Variants in AVIL observed in about 807,000 individuals in gnomAD.
The protein encoded by AVIL is advillin.
In AVIL, 78 loss-of-function variants were observed where a neutral mutation model predicts 109.9. That is an observed-to-expected ratio of 0.71 (90% CI 0.59 to 0.86). The LOEUF (loss-of-function observed/expected upper bound fraction) is 0.86, where lower values mean the gene tolerates loss of function less well. AVIL is among the 40% of genes least tolerant of loss of function. The pLI, the probability that AVIL is intolerant of heterozygous loss-of-function variation, is 0.00. For missense variants in AVIL, 892 were observed against 1,016.5 expected, an observed-to-expected ratio of 0.88 and a Z score of 1.67; for synonymous variants, 367 against 379.1, an observed-to-expected ratio of 0.97 and a Z score of 0.37.
In AVIL at chr12:57,797,817, A is replaced by T; in HGVS notation, c.*65T>A. The T allele has an allele frequency of 8.0e-7, 1 of 1,255,184 alleles. No homozygotes were observed. The highest frequency in any genetic ancestry group is 1.7e-5 in the South Asian group (1 of 60,260). The allele number at this position is 1,255,184 out of a possible 1,614,324, so 77.8% of individuals were successfully genotyped here. On this transcript the variant is annotated 3_prime_UTR_variant, in exon 20 of 20. Coordinates refer to ENST00000549994, the MANE Select transcript of AVIL (RefSeq NM_006576.4). ...TCAGGCAGAAATTGGTGGATAAATT[A>T]TTTCCTGATATTGGCACTATCTGCT...
intron 1 of AVIL, among the ~76,000 whole-genome samples, chr12:57,817,434 A>C (rs912745753): frequency 2.6e-5 from 4 of 151,614 alleles, no homozygotes; most frequent in African/African-American, 9.7e-5. Flanking sequence ...CTGTAGCAGG[A>C]CTAAAGCAAG....
At chr12:57,806,035 C>G (rs1955938629) in intron 14 of AVIL, 1 of 251,828 alleles carries the variant, frequency 4.0e-6, no homozygotes, top group African/African-American at 2.3e-5. Flanking sequence ...TGGGGTTTCA[C>G]CATGTTGGCC....
At chr12:57,813,515 T>C in intron 3 of AVIL, 92 bp from the exon 4 acceptor site, 1 of 1,302,104 alleles carries the variant, frequency 7.7e-7, no homozygotes, top group Non-Finnish European at 1.1e-6. Flanking sequence ...CACATGTGCA[T>C]GCCCTTGGCA....
chr12:57,818,499 A>G (rs979775243), intron 1 of AVIL, 130 bp downstream of exon 1: 7 of 152,170 alleles, frequency 4.6e-5, no homozygotes, highest in Admixed American at 3.3e-4. Context: ...CTGGCCAGCC[A>G]GACTCCTGGT....
chr12:57,800,695 C>T (rs1277820562), intron 18 of AVIL: 1 of 154,634 alleles, frequency 6.5e-6, no homozygotes, highest in Non-Finnish European at 1.4e-5. Context: ...GCAACTTCCG[C>T]TTCCTGGGTT....
chr12:57,809,458 TTGTC>T (rs1956004196), intron 9 of AVIL, 135 bp downstream of exon 9: 1 of 955,612 alleles, frequency 1.0e-6, no homozygotes, highest in African/African-American at 1.6e-5. Context: ...GAATCCCAGT[TTGTC>T]TGCCTGACTT....
chr12:57,803,846 T>C (rs1318803577), intron 14 of AVIL, 177 bp from the exon 15 acceptor site: 1 of 851,480 alleles, frequency 1.2e-6, no homozygotes, highest in Admixed American at 3.0e-5. Flanking sequence ...AGGAAAACAG[T>C]GTGGGGCAAA....
chr12:57,799,750 C>T lies in AVIL; in HGVS notation c.2346+45G>A, dbSNP rs143081861. ...TTTGCTGAGCTGAGTTTTTTACTCA[C>T]GGAGAGCTCCACTTCCAACAGACAC... On this transcript the variant is annotated intron_variant, in intron 19 of 19. Transcript: ENST00000549994. 2.2e-5 allele frequency: 36 copies of T among 1,610,434 alleles called. No individual in the cohort carries two copies. In the Middle Eastern group the frequency reaches 6.7e-4, roughly 30 times the overall value.
intron 18 of AVIL, 47 bp from the exon 19 acceptor site, chr12:57,799,967 CTG>C (rs763953228): frequency 1.2e-6 from 2 of 1,608,898 alleles, no homozygotes; most frequent in South Asian, 1.1e-5. Flanking sequence ...TCCTCAGTGT[CTG>C]TGTGGTTACA....
At chr12:57,799,994 T>C (rs754861061) in intron 18 of AVIL, 74 bp from the exon 19 acceptor site, 1 of 1,562,532 alleles carries the variant, frequency 6.4e-7, no homozygotes. Flanking sequence ...TGAATGTGTA[T>C]AATATTTAAC....
chr12:57,804,313 C>G (rs897734431), intron 14 of AVIL: 2 of 152,204 alleles, frequency 1.3e-5, no homozygotes, highest in African/African-American at 4.8e-5. Context: ...CTGCTCATCC[C>G]TTTTTATTGC....
chr12:57,803,369 C>T lies in AVIL; in HGVS notation c.1840G>A (p.Val614Ile). Reference protein sequence around the residue: ...DKRLQQEILDVQSRLFECSNK... With the variant: ...DKRLQQEILDIQSRLFECSNK... ...GAACATTCAAAGAGACGAGACTGGA[C>T]ATCTAGGATTTCCTGCTGAAGTCTG... The change falls in exon 16 of 20, where the codon GTC becomes ATC. Residue 614 changes from valine to isoleucine, a missense_variant. Physicochemically the swap from Val to Ile is conservative, Grantham distance 29 (BLOSUM62 3). Coordinates refer to ENST00000549994, the MANE Select transcript of AVIL (RefSeq NM_006576.4). 6.2e-7 allele frequency: 1 copy of T among 1,614,170 alleles called. No homozygotes were observed. The highest frequency in any genetic ancestry group is 8.5e-7 in the Non-Finnish European group (1 of 1,180,024).
intron 17 of AVIL, chr12:57,801,453 T>C (rs1225753595): frequency 2.0e-5 from 7 of 342,170 alleles, no homozygotes; most frequent in Non-Finnish European, 3.8e-5. Flanking sequence ...GAAAGAGCAG[T>C]TGAAGGCCAG....
rs148660762 is a variant in AVIL at position 57,807,683 on chromosome 12, T to C, written c.1239A>G (p.Gln413=). 221 of 1,614,146 alleles carry C rather than the reference T, an allele frequency of 1.4e-4. No individual in the cohort carries two copies. In the African/African-American group the frequency reaches 2.7e-3, roughly 20 times the overall value. ...CTCCCCCATAAAAGAAGCCATACCA[T>C]TGATACTCCACAGGGACCAGCTCCA... ...ENLELVPVEY[Q]WYGFFYGGDC... The change falls in exon 12 of 20, where the codon CAA becomes CAG. Residue 413 remains glutamine (Q), a synonymous_variant. Transcript: ENST00000549994.
In AVIL at chr12:57,807,391, C is replaced by T; in HGVS notation, c.1431G>A (p.Arg477=). 6.2e-7 allele frequency: 1 copy of T among 1,614,240 alleles called. No homozygotes were observed. The highest frequency in any genetic ancestry group is 2.2e-5 in the East Asian group (1 of 44,890). ...TGAAGTGGCGTGGCTCCGTTCCCAT[C>T]CTGACTCGAACCTGCACAGCAGCCC... is the stretch of plus-strand genomic sequence containing the variant. ...FDGAAVQVRV[R]MGTEPRHFMA... The change falls in exon 13 of 20, where the codon AGG becomes AGA. Residue 477 remains arginine, a synonymous_variant. Coordinates refer to ENST00000549994, the MANE Select transcript of AVIL (RefSeq NM_006576.4).
chr12:57,813,076 C>T lies in AVIL; in HGVS notation c.338+151G>A, dbSNP rs1020034349. On this transcript the variant is annotated intron_variant, in intron 4 of 19. Transcript: ENST00000549994. Reference sequence around the variant, plus strand: ...CTTGCCAACACTTGGCACCTCCCAGCTGTTTAATCTGCTGCTCTAGTGGGT... The same window carrying T: ...CTTGCCAACACTTGGCACCTCCCAGTTGTTTAATCTGCTGCTCTAGTGGGT... The T allele has an allele frequency of 4.1e-6, 4 of 975,238 alleles. No individual in the cohort carries two copies. The African/African-American group carries it at 6.6e-5, about 16-fold the overall frequency. The allele number at this position is 975,238 out of a possible 1,614,324, so 60.4% of individuals were successfully genotyped here.
chr12:57,810,404 T>C lies in AVIL; in HGVS notation c.706A>G (p.Thr236Ala), dbSNP rs1434173596. The C allele has an allele frequency of 1.2e-6, 2 of 1,614,206 alleles. No individual in the cohort carries two copies. The highest frequency in any genetic ancestry group is 1.7e-6 in the Non-Finnish European group (2 of 1,180,036). Residue 236 changes from threonine to alanine, a missense_variant, in exon 7 of 20, where the codon ACA becomes GCA. Physicochemically the swap from Thr to Ala is moderately conservative, Grantham distance 58. Transcript: ENST00000549994. ...TGATCTATGATCTCATCAGGGACTG[T>C]AGGCTTGATAATGGAGCGTCGGCCA... ...TLGRRSIIKP[T>A]VPDEIIDQKQ...
At chr12:57,818,475 A>C (rs1350317206) in intron 1 of AVIL, among the ~76,000 whole-genome samples, 154 bp downstream of exon 1, 1 of 152,156 alleles carries the variant, frequency 6.6e-6, no homozygotes, top group Non-Finnish European at 1.5e-5. Flanking sequence ...CTTCTGAACA[A>C]GAAGTTTGCA....
chr12:57,801,332 G>T, intron 17 of AVIL, 120 bp from the exon 18 acceptor site: 1 of 761,098 alleles, frequency 1.3e-6, no homozygotes, highest in Non-Finnish European at 2.1e-6. Context: ...ACATTTCAAG[G>T]ATAAGTAAAA....
Sources: gnomAD v4.1 joint callset for allele counts (sites outside exome capture counted in the v4.1 genomes callset) on GRCh38, gnomAD v4.1.1 for gene constraint, MANE v1.5 for transcripts, NCBI Gene and HGNC (gene_info 2026-07-23, HGNC 2026-07-21) for gene names.